Variants in RAB30 observed in about 807,000 individuals in gnomAD.
RAB30 encodes ras-related protein Rab-30.
Under a neutral mutation model 25.1 loss-of-function variants are expected in RAB30, and 9 were observed. The observed-to-expected ratio is 0.36, with a 90% confidence interval of 0.22 to 0.63. RAB30 has a LOEUF of 0.63. Among genes scored for constraint, RAB30 ranks in the 20% least tolerant of loss-of-function variants. The probability of loss-of-function intolerance (pLI) is 0.69; values close to 1 mark genes in which losing one functional copy is unlikely to be tolerated. For missense variants in RAB30, 140 were observed against 243.5 expected, an observed-to-expected ratio of 0.58 and a Z score of 2.83; for synonymous variants, 77 against 86.4, an observed-to-expected ratio of 0.89 and a Z score of 0.60.
intron 1 of RAB30, among the ~76,000 whole-genome samples, chr11:83,007,320 C>T (rs1165270378): frequency 6.6e-6 from 1 of 151,844 alleles, no homozygotes; most frequent in Non-Finnish European, 1.5e-5. Context: ...CAGAAGCAGC[C>T]CTTAGAATAC....
In RAB30 at chr11:82,981,970, AG is replaced by A. The variant is rs1856645828; in HGVS notation, c.*194del. 4 of 661,012 alleles carry A rather than the reference AG, an allele frequency of 6.1e-6. No homozygotes were observed. The East Asian group carries it at 8.4e-5, about 14-fold the overall frequency. The allele number at this position is 661,012 out of a possible 1,614,324, so 40.9% of individuals were successfully genotyped here. On this transcript the variant is annotated 3_prime_UTR_variant, in exon 5 of 5. Coordinates refer to ENST00000527633, the MANE Select transcript of RAB30 (RefSeq NM_001286060.2). ...CCTTGCTCCAACTCCAGACTGGAAAAGGGTGAAACCATTATATGTTCTGCTA... is the reference window on the plus strand; with the variant it reads ...CCTTGCTCCAACTCCAGACTGGAAAAGGTGAAACCATTATATGTTCTGCTA...
intron 1 of RAB30, chr11:83,034,634 A>G (rs1165058921): frequency 1.3e-5 from 2 of 152,178 alleles, no homozygotes; most frequent in Non-Finnish European, 2.9e-5. Flanking sequence ...AGCTGCATAC[A>G]AGGCTAGTGA....
chr11:82,982,491 C>T (rs1856660110), intron 4 of RAB30, 76 bp from the exon 5 acceptor site: 4 of 1,488,312 alleles, frequency 2.7e-6, no homozygotes, highest in African/African-American at 2.8e-5. Flanking sequence ...AATTCAACTC[C>T]ATATCTGAAG....
chr11:82,975,838 TTC>T lies in RAB30; in HGVS notation c.*6325_*6326del, dbSNP rs1222168232. 1 of 152,186 alleles carries T rather than the reference TTC, an allele frequency of 6.6e-6. No individual in the cohort carries two copies. Among genetic ancestry groups the T allele is most frequent in the Admixed American group, 6.5e-5 (1 of 15,282 alleles). The allele number at this position is 152,186 out of a possible 1,614,324, so 9.4% of individuals were successfully genotyped here. A position where few individuals can be genotyped will look rare whatever the true frequency, so the allele number is the denominator to read the frequency against. ...CTATCATTTTAATAATCATTATTTT[TTC>T]TGACTGTTATTTTTTTTAAATAGGC... On this transcript the variant is annotated 3_prime_UTR_variant, in exon 5 of 5. Coordinates refer to ENST00000527633, the MANE Select transcript of RAB30 (RefSeq NM_001286060.2).
intron 1 of RAB30, among the ~76,000 whole-genome samples, chr11:83,020,343 G>A (rs1292700698): frequency 2.0e-5 from 3 of 152,294 alleles, no homozygotes; most frequent in East Asian, 1.9e-4. Context: ...GGCCAAGCTC[G>A]GGCACTGTCA....
chr11:83,031,152 C>G (rs1857848305), intron 1 of RAB30, among the ~76,000 whole-genome samples: 1 of 152,340 alleles, frequency 6.6e-6, no homozygotes, highest in Middle Eastern at 3.4e-3. Context: ...GGACTCCTAG[C>G]CTCCAGAACT....
chr11:82,989,835 T>G (rs1195732450), intron 3 of RAB30, among the ~76,000 whole-genome samples: 10 of 152,268 alleles, frequency 6.6e-5, no homozygotes, highest in Admixed American at 6.5e-4. Context: ...CAACTTGGTT[T>G]CACCATTCTC....
intron 1 of RAB30, among the ~76,000 whole-genome samples, chr11:83,023,244 G>C (rs1857623905): frequency 6.6e-6 from 1 of 152,100 alleles, no homozygotes; most frequent in Non-Finnish European, 1.5e-5. Flanking sequence ...ACATATAAAT[G>C]CTCTGAAAGC....
At chr11:83,036,225 G>A (rs1857984777) in intron 1 of RAB30, among the ~76,000 whole-genome samples, 1 of 149,940 alleles carries the variant, frequency 6.7e-6, no homozygotes, top group African/African-American at 2.5e-5. Flanking sequence ...GGAGTGCAGT[G>A]GCACGATCTT....
intron 1 of RAB30, among the ~76,000 whole-genome samples, chr11:83,029,226 C>A (rs182009163): frequency 6.6e-6 from 1 of 152,214 alleles, no homozygotes; most frequent in African/African-American, 2.4e-5. Flanking sequence ...CCATTAAACC[C>A]TCTTTTGTGT....
At chr11:83,029,084 C>T (rs572923244) in intron 1 of RAB30, among the ~76,000 whole-genome samples, 9 of 152,148 alleles carry the variant, frequency 5.9e-5, no homozygotes, top group African/African-American at 1.9e-4. Context: ...AAAGAAACAT[C>T]AAGAGATCTA....
At position 82,997,323 on chromosome 11, in the gene RAB30, A is replaced by G; in HGVS notation, c.-7T>C. The G allele has an allele frequency of 6.3e-7, 1 of 1,596,460 alleles. No homozygotes were observed. Among genetic ancestry groups the G allele is most frequent in the East Asian group, 2.2e-5 (1 of 44,794 alleles). On this transcript the variant is annotated splice_region_variant and 5_prime_UTR_variant, in exon 2 of 5. Transcript: ENST00000527633. ...CATAATCTTCCATACTCATTTACAC[A>G]GCTGCAAGGCAAACACAGGCAAAAG...
chr11:83,070,519 C>T (rs1412460665), intron 1 of RAB30, among the ~76,000 whole-genome samples: 1 of 152,118 alleles, frequency 6.6e-6, no homozygotes, highest in Admixed American at 6.5e-5. Context: ...CTTCTTTTGA[C>T]ATTCCAAGAG....
At chr11:82,991,258 A>G (rs900427461) in intron 3 of RAB30, among the ~76,000 whole-genome samples, 1 of 152,170 alleles carries the variant, frequency 6.6e-6, no homozygotes, top group African/African-American at 2.4e-5. Flanking sequence ...TAATCCCAGC[A>G]CTGTGGGAGG....
rs374422423 is a variant in RAB30, at chr11:83,054,853, C to T, written c.-9+16838G>A. 1.8e-4 allele frequency among the ~76,000 whole-genome samples: 27 copies of T among 152,152 alleles called. No homozygotes were observed. In the East Asian group the frequency reaches 4.6e-3, roughly 26 times the overall value. On this transcript the variant is annotated intron_variant, in intron 1 of 4. Transcript: ENST00000527633. ...CTGCACTCCAGCCTGGGCAACAGAA[C>T]AAGACCTTGTCTCAAAAACAAAAAA...
rs148994292 is a variant in RAB30, at chr11:83,064,656, G to T, written c.-9+7035C>A. On this transcript the variant is annotated intron_variant, in intron 1 of 4. Transcript: ENST00000527633. The stretch of plus-strand genomic sequence containing the variant: ...CATAGGCTGATTAAATACTTGAAAT[G>T]ACCAGGAAAATCACTACCTCCTGAA... 4.0e-4 allele frequency among the ~76,000 whole-genome samples: 61 copies of T among 152,274 alleles called. 1 individual carries two copies. In the East Asian group the frequency reaches 0.012, roughly 29 times the overall value.
At chr11:83,066,390 C>T (rs1858697088) in intron 1 of RAB30, among the ~76,000 whole-genome samples, 2 of 152,144 alleles carry the variant, frequency 1.3e-5, no homozygotes, top group Admixed American at 6.5e-5. Context: ...ATTCAAAACT[C>T]TGAGACCCAT....
At chr11:82,992,405 G>T (rs1259896295) in intron 3 of RAB30, 1 of 455,786 alleles carries the variant, frequency 2.2e-6, no homozygotes, top group East Asian at 6.9e-5. Flanking sequence ...AAGGAGTCAG[G>T]GCTGGAAGAG....
At chr11:83,045,052 T>C (rs1028714065) in intron 1 of RAB30, among the ~76,000 whole-genome samples, 11 of 152,162 alleles carry the variant, frequency 7.2e-5, no homozygotes, top group African/African-American at 2.4e-4. Flanking sequence ...TAGGCTTTCC[T>C]AGCCGAAATC....
Sources: gnomAD v4.1 joint callset for allele counts (sites outside exome capture counted in the v4.1 genomes callset) on GRCh38, gnomAD v4.1.1 for gene constraint, MANE v1.5 for transcripts, NCBI Gene and HGNC (gene_info 2026-07-23, HGNC 2026-07-21) for gene names.